ZNF566: variants seen among roughly 807,000 people sequenced by gnomAD.
The protein encoded by ZNF566 is zinc finger protein 566.
Under a neutral mutation model 32.8 loss-of-function variants are expected in ZNF566, and 27 were observed. That is an observed-to-expected ratio of 0.82 (90% CI 0.61 to 1.14). The LOEUF (loss-of-function observed/expected upper bound fraction) is 1.14, where lower values mean the gene tolerates loss of function less well. Among genes scored for constraint, ZNF566 ranks in the 50% most tolerant of loss-of-function variants. ZNF566 has a pLI of 0.00. For synonymous variants in ZNF566, 154 were observed against 159.5 expected (o/e 0.97, Z 0.26); for missense variants, 402 against 490.4 (o/e 0.82, Z 1.70).
In ZNF566 at chr19:36,446,696, G is replaced by A. The variant is rs955066995; in HGVS notation, c.*2281C>T. 2 of 152,196 alleles carry A rather than the reference G, an allele frequency of 1.3e-5. No homozygotes were observed. The highest frequency in any genetic ancestry group is 2.4e-5 in the African/African-American group (1 of 41,450). The allele number at this position is 152,196 out of a possible 1,614,324, so 9.4% of individuals were successfully genotyped here. A position where few individuals can be genotyped will look rare whatever the true frequency, so the allele number is the denominator to read the frequency against. On this transcript the variant is annotated 3_prime_UTR_variant, in exon 5 of 5. Transcript: ENST00000452939. ...ATTTGGCAGTTTTCATTTTGATAAC[G>A]CAAAACATTACAACAGTCCATTTTT...
intron 4 of ZNF566, among the ~76,000 whole-genome samples, chr19:36,470,307 C>G (rs1389000815): frequency 2.0e-5 from 3 of 152,136 alleles, no homozygotes. Flanking sequence ...ATAAGCAAAC[C>G]CACCCTTGAT....
intron 4 of ZNF566, among the ~76,000 whole-genome samples, chr19:36,450,822 C>T (rs1409373464): frequency 6.6e-6 from 1 of 152,100 alleles, no homozygotes; most frequent in Non-Finnish European, 1.5e-5. Context: ...TACGTATTGT[C>T]TATGGATGCT....
At chr19:36,484,523 A>G (rs962523381) in intron 1 of ZNF566, among the ~76,000 whole-genome samples, 1 of 152,084 alleles carries the variant, frequency 6.6e-6, no homozygotes, top group African/African-American at 2.4e-5. Context: ...GGTAAAAATT[A>G]TCAATGAATG....
At chr19:36,450,136 C>T (rs1170862226) in intron 4 of ZNF566, 135 bp from the exon 5 acceptor site, 4 of 700,948 alleles carry the variant, frequency 5.7e-6, no homozygotes, top group Non-Finnish European at 9.3e-6. Context: ...AGACAGGTTA[C>T]ATAATAAGAT....
At chr19:36,475,982 C>G (rs1001236759) in intron 2 of ZNF566, 2 of 152,110 alleles carry the variant, frequency 1.3e-5, no homozygotes, top group East Asian at 1.9e-4. Context: ...TATTCAACCA[C>G]TTGGCTGACT....
chr19:36,489,059 C>T (rs7254360), intron 1 of ZNF566, among the ~76,000 whole-genome samples: 2,003 of 152,256 alleles, frequency 0.013, 46 homozygotes, highest in African/African-American at 0.045. Flanking sequence ...TACCGGGTCA[C>T]AGTCACGATC....
rs1319421018 is a variant in ZNF566 at position 36,467,923 on chromosome 19, C to T, written c.232+4988G>A. ...AGTTTGGGCTGGGCATGGTGGCTCA[C>T]GCCTGTAATCCCAGCACTTTGGGAG... On this transcript the variant is annotated intron_variant, in intron 4 of 4. Coordinates refer to ENST00000452939, the MANE Select transcript of ZNF566 (RefSeq NM_001145344.1). Among the ~76,000 whole-genome samples the T allele has an allele frequency of 4.0e-5, 6 of 150,490 alleles. No individual in the cohort carries two copies. The East Asian group carries it at 5.9e-4, about 15-fold the overall frequency.
intron 1 of ZNF566, among the ~76,000 whole-genome samples, chr19:36,478,055 C>T (rs567482572): frequency 1.3e-5 from 2 of 152,164 alleles, no homozygotes; most frequent in South Asian, 4.2e-4. Flanking sequence ...GCTTCTTGAT[C>T]ATTAAACAAT....
chr19:36,486,671 C>CAAAAAA (rs759281599), intron 1 of ZNF566, among the ~76,000 whole-genome samples: 1 of 80,940 alleles, frequency 1.2e-5, no homozygotes, highest in Non-Finnish European at 2.4e-5. Flanking sequence ...AACTCTGTCT[C>CAAAAAA]AAAAAAAAAA....
intron 1 of ZNF566, among the ~76,000 whole-genome samples, chr19:36,483,573 G>A (rs1048140041): frequency 6.6e-6 from 1 of 151,708 alleles, no homozygotes; most frequent in African/African-American, 2.4e-5. Flanking sequence ...AGCTTCTGAT[G>A]GCCAAATATG....
chr19:36,477,784 G>C (rs951463166), intron 1 of ZNF566, among the ~76,000 whole-genome samples: 5 of 151,774 alleles, frequency 3.3e-5, no homozygotes, highest in African/African-American at 1.2e-4. Flanking sequence ...AAAGTGCTGG[G>C]ATTATAAGCG....
chr19:36,474,150 A>G (rs1421062525), intron 2 of ZNF566, among the ~76,000 whole-genome samples: 1 of 152,226 alleles, frequency 6.6e-6, no homozygotes, highest in Non-Finnish European at 1.5e-5. Context: ...AAACAAAAAA[A>G]GAAGACAACA....
At position 36,448,956 on chromosome 19, in the gene ZNF566, C is replaced by T. The variant is rs2033063995; in HGVS notation, c.*21G>A. 1 of 1,540,034 alleles carries T rather than the reference C, an allele frequency of 6.5e-7. No homozygotes were observed. Among genetic ancestry groups the T allele is most frequent in the Non-Finnish European group, 8.7e-7 (1 of 1,147,186 alleles). On this transcript the variant is annotated 3_prime_UTR_variant, in exon 5 of 5. Transcript: ENST00000452939. ...AGCCATAATTAAAAGCCTCCCTACA[C>T]ATTTCATATATTCTGTTTCATCACC...
chr19:36,460,434 C>T (rs1415565404), intron 4 of ZNF566, among the ~76,000 whole-genome samples: 4 of 152,126 alleles, frequency 2.6e-5, no homozygotes, highest in African/African-American at 7.2e-5. Context: ...ATAAAAACCA[C>T]TGGCTAGGCT....
In ZNF566 at chr19:36,448,998, C is replaced by A; in HGVS notation, c.1236G>T (p.Gln412His). 1 of 1,585,638 alleles carries A rather than the reference C, an allele frequency of 6.3e-7. No homozygotes were observed. Residue 412 changes from glutamine (Q) to histidine (H), a missense_variant, in exon 5 of 5, where the codon CAG becomes CAT. Gln to His is a conservative substitution (Grantham distance 24). Transcript: ENST00000452939. The part of the protein sequence containing the change: ...KNFNYDPQLI[Q>H]HQNLYW ...TTCATCACCAGTACAAATTTTGATG[C>A]TGAATAAGTTGTGGGTCATAATTAA...
chr19:36,471,786 A>G (rs2033772915), intron 4 of ZNF566, among the ~76,000 whole-genome samples: 1 of 151,956 alleles, frequency 6.6e-6, no homozygotes, highest in South Asian at 2.1e-4. Context: ...TCTGTCACTC[A>G]GGCTGGAGTG....
At chr19:36,473,277 A>T in intron 3 of ZNF566, 55 bp downstream of exon 3, 1 of 1,600,910 alleles carries the variant, frequency 6.2e-7, no homozygotes, top group Non-Finnish European at 8.5e-7. Context: ...TTCACATTGG[A>T]GGAAGTAGGC....
intron 4 of ZNF566, among the ~76,000 whole-genome samples, chr19:36,459,678 T>C (rs144324136): frequency 0.028 from 4,180 of 149,880 alleles, 100 homozygotes; most frequent in Non-Finnish European, 0.044. Context: ...GCCCGGCTAA[T>C]TTTTTGTATT....
chr19:36,455,866 T>C lies in ZNF566; in HGVS notation c.233-5865A>G, dbSNP rs984655454. Among the ~76,000 whole-genome samples, 69 of 151,994 alleles carry C rather than the reference T, an allele frequency of 4.5e-4. No homozygotes were observed. The East Asian group carries it at 8.6e-3, about 19-fold the overall frequency. ...CCATCCTGGCTAACACGGTGAAACCTCTCTCTACTAAAAATACAAAAAATT... is the reference window on the plus strand; with the variant it reads ...CCATCCTGGCTAACACGGTGAAACCCCTCTCTACTAAAAATACAAAAAATT... On this transcript the variant is annotated intron_variant, in intron 4 of 4. Coordinates refer to ENST00000452939, the MANE Select transcript of ZNF566 (RefSeq NM_001145344.1).
Sources: allele counts gnomAD v4.1 joint callset (sites outside exome capture counted in the v4.1 genomes callset), GRCh38; gene constraint gnomAD v4.1.1; transcripts MANE v1.5; gene names NCBI Gene and HGNC (gene_info 2026-07-23, HGNC 2026-07-21).